Variants in JARID2 observed in about 807,000 individuals in gnomAD.
JARID2 encodes the protein protein Jumonji.
In JARID2, 21 loss-of-function variants were observed where a neutral mutation model predicts 125.6. The observed-to-expected ratio is 0.17, with a 90% CI of 0.12 to 0.24. The LOEUF (loss-of-function observed/expected upper bound fraction) is 0.24, where lower values mean the gene tolerates loss of function less well. Among genes scored for constraint, JARID2 ranks in the 10% least tolerant of loss-of-function variants. The probability of loss-of-function intolerance (pLI) is 1.00; values close to 1 mark genes in which losing one functional copy is unlikely to be tolerated. For synonymous variants in JARID2, 736 were observed against 661.6 expected (o/e 1.11, Z -1.73); for missense variants, 1,303 against 1,639.6 (o/e 0.79, Z 3.55).
intron 1 of JARID2, among the ~76,000 whole-genome samples, chr6:15,296,664 C>T (rs147200290): frequency 3.1e-4 from 47 of 152,232 alleles, no homozygotes; most frequent in Middle Eastern, 3.4e-3. Context: ...ATATTTTGTT[C>T]CCAAGCCATA....
intron 4 of JARID2, among the ~76,000 whole-genome samples, chr6:15,456,164 A>G (rs552461346): frequency 1.3e-5 from 2 of 152,346 alleles, no homozygotes; most frequent in South Asian, 4.1e-4. Context: ...TTGTGCGTGC[A>G]CTATCTTATA....
chr6:15,380,315 G>A (rs1404531397), intron 2 of JARID2, among the ~76,000 whole-genome samples: 1 of 152,152 alleles, frequency 6.6e-6, no homozygotes, highest in African/African-American at 2.4e-5. Context: ...GATTACAAGC[G>A]TGAGCCACCG....
intron 4 of JARID2, among the ~76,000 whole-genome samples, chr6:15,463,543 G>C (rs555249379): frequency 1.6e-4 from 24 of 149,846 alleles, no homozygotes; most frequent in Admixed American, 1.3e-3. Context: ...TGATTCTCCT[G>C]CTTCAGCCTC....
intron 1 of JARID2, among the ~76,000 whole-genome samples, chr6:15,296,465 C>A (rs1336940373): frequency 2.0e-5 from 3 of 152,046 alleles, no homozygotes; most frequent in African/African-American, 7.3e-5. Context: ...GTTGCAAAAC[C>A]TAGTACAAAG....
chr6:15,355,902 T>C (rs2127488272), intron 1 of JARID2, among the ~76,000 whole-genome samples: 1 of 152,354 alleles, frequency 6.6e-6, no homozygotes, highest in Middle Eastern at 3.4e-3. Flanking sequence ...TGAGCCAGTG[T>C]GCCCGGCCAC....
chr6:15,293,794 G>T (rs190987830), intron 1 of JARID2, among the ~76,000 whole-genome samples: 3 of 152,320 alleles, frequency 2.0e-5, no homozygotes, highest in Admixed American at 2.0e-4. Context: ...TTGTTGTTCT[G>T]CTTAAGTGGG....
intron 1 of JARID2, among the ~76,000 whole-genome samples, chr6:15,305,383 A>G (rs986886015): frequency 6.6e-6 from 1 of 152,108 alleles, no homozygotes; most frequent in African/African-American, 2.4e-5. Context: ...CTGTCACTCC[A>G]CTTTGGAGAG....
intron 1 of JARID2, among the ~76,000 whole-genome samples, chr6:15,323,772 G>T (rs1284310943): frequency 2.0e-5 from 3 of 152,132 alleles, no homozygotes; most frequent in Non-Finnish European, 4.4e-5. Context: ...GTGTGCGCCT[G>T]TAATCCCAGC....
At chr6:15,436,812 A>AT (rs137973226) in intron 3 of JARID2, among the ~76,000 whole-genome samples, 7,397 of 149,102 alleles carry the variant, frequency 0.05, 227 homozygotes, top group Non-Finnish European at 0.062. Flanking sequence ...TTTTCTTGTG[A>AT]TTTTTTTTTT....
chr6:15,497,272 C>G, intron 7 of JARID2, 102 bp downstream of exon 7: 1 of 897,734 alleles, frequency 1.1e-6, no homozygotes, highest in Non-Finnish European at 1.7e-6. Context: ...GCGAAAGCTC[C>G]AGTTCCGCTT....
intron 3 of JARID2, among the ~76,000 whole-genome samples, chr6:15,448,688 A>G (rs893841812): frequency 1.3e-5 from 2 of 152,152 alleles, no homozygotes; most frequent in Non-Finnish European, 2.9e-5. Flanking sequence ...TGGGAAGGAA[A>G]GCCTCATGGG....
chr6:15,255,811 G>A (rs557508530), intron 1 of JARID2, among the ~76,000 whole-genome samples: 2 of 152,178 alleles, frequency 1.3e-5, no homozygotes, highest in African/African-American at 4.8e-5. Flanking sequence ...TTAAGCAGCA[G>A]ACTTTTGTGC....
intron 3 of JARID2, among the ~76,000 whole-genome samples, chr6:15,442,952 T>C (rs1767510560): frequency 6.6e-6 from 1 of 152,236 alleles, no homozygotes; most frequent in Non-Finnish European, 1.5e-5. Flanking sequence ...TGTCACCAGC[T>C]ACCTGAGATT....
At chr6:15,451,484 G>A (rs936011930) in intron 3 of JARID2, among the ~76,000 whole-genome samples, 8 of 152,132 alleles carry the variant, frequency 5.3e-5, no homozygotes, top group Admixed American at 3.9e-4. Context: ...ACTTTTCGTG[G>A]CCGAATTTAG....
chr6:15,324,364 C>G (rs904618341), intron 1 of JARID2: 1 of 152,048 alleles, frequency 6.6e-6, no homozygotes, highest in East Asian at 1.9e-4. Context: ...TGCTTGTGAT[C>G]ACTTTAAAAA....
chr6:15,517,668 TG>T (rs1771629503), intron 17 of JARID2, among the ~76,000 whole-genome samples: 1 of 152,188 alleles, frequency 6.6e-6, no homozygotes, highest in African/African-American at 2.4e-5. Context: ...CTGAGAGAGC[TG>T]GAAGTGTCTG....
intron 1 of JARID2, among the ~76,000 whole-genome samples, chr6:15,340,153 G>A (rs1036673788): frequency 1.3e-5 from 2 of 152,130 alleles, no homozygotes; most frequent in African/African-American, 2.4e-5. Flanking sequence ...CACTGCACCC[G>A]GCCTCAGATG....
intron 1 of JARID2, among the ~76,000 whole-genome samples, chr6:15,357,822 G>T (rs549134876): frequency 6.6e-6 from 1 of 152,286 alleles, no homozygotes; most frequent in South Asian, 2.1e-4. Flanking sequence ...GTATATCCTT[G>T]CAGCAGCCCT....
At chr6:15,333,667 C>G (rs565846258) in intron 1 of JARID2, among the ~76,000 whole-genome samples, 1 of 152,306 alleles carries the variant, frequency 6.6e-6, no homozygotes, top group East Asian at 1.9e-4. Context: ...CACCACTATC[C>G]ATTTCCAGAA....
Sources: gnomAD v4.1 joint callset for allele counts (sites outside exome capture counted in the v4.1 genomes callset) on GRCh38, gnomAD v4.1.1 for gene constraint, MANE v1.5 for transcripts, NCBI Gene and HGNC (gene_info 2026-07-23, HGNC 2026-07-21) for gene names.